MACROD2: variants seen among roughly 807,000 people sequenced by gnomAD.
MACROD2 encodes mono-ADP ribosylhydrolase 2, also known as ADP-ribose glycohydrolase MACROD2.
Under a neutral mutation model 70.4 loss-of-function variants are expected in MACROD2, and 36 were observed. The observed-to-expected ratio is 0.51, with a 90% CI of 0.39 to 0.68. The LOEUF is 0.68. Among genes scored for constraint, MACROD2 ranks in the 30% least tolerant of loss-of-function variants. MACROD2 has a pLI of 0.00. For synonymous variants in MACROD2, 172 were observed against 178.8 expected (o/e 0.96, Z 0.30); for missense variants, 496 against 538.4 (o/e 0.92, Z 0.78).
chr20:14,724,615 A>G (rs1312946804), intron 5 of MACROD2, among the ~76,000 whole-genome samples: 1 of 152,186 alleles, frequency 6.6e-6, no homozygotes, highest in Non-Finnish European at 1.5e-5. Context: ...TTAAGAAGGA[A>G]ATGAGAGAAG....
chr20:15,606,938 G>T (rs1028198370), intron 8 of MACROD2, among the ~76,000 whole-genome samples: 1 of 150,350 alleles, frequency 6.7e-6, no homozygotes, highest in Non-Finnish European at 1.5e-5. Flanking sequence ...GGAGGCAGAG[G>T]TTGCCATGAG....
At chr20:14,394,439 T>A (rs1045453957) in intron 3 of MACROD2, among the ~76,000 whole-genome samples, 1 of 152,236 alleles carries the variant, frequency 6.6e-6, no homozygotes, top group Admixed American at 6.5e-5. Flanking sequence ...ACACATTTTT[T>A]AAATATTGCT....
At chr20:14,893,029 A>C (rs2073782207) in intron 5 of MACROD2, 1 of 152,158 alleles carries the variant, frequency 6.6e-6, no homozygotes, top group African/African-American at 2.4e-5. Context: ...GATACCATTT[A>C]TGAGGGGAAT....
chr20:15,897,156 A>T (rs2064985465), intron 10 of MACROD2, among the ~76,000 whole-genome samples: 1 of 152,162 alleles, frequency 6.6e-6, no homozygotes, highest in Admixed American at 6.5e-5. Context: ...TTGTCTGAAA[A>T]TGGTATTATT....
At chr20:14,730,883 A>G (rs1329519370) in intron 5 of MACROD2, among the ~76,000 whole-genome samples, 1 of 152,048 alleles carries the variant, frequency 6.6e-6, no homozygotes, top group Non-Finnish European at 1.5e-5. Flanking sequence ...AGGTGAATTC[A>G]GATTACATTT....
intron 5 of MACROD2, among the ~76,000 whole-genome samples, chr20:15,088,441 ATATATATATAATATTT>A (rs1568567427): frequency 5.5e-4 from 21 of 38,074 alleles, no homozygotes; most frequent in African/African-American, 1.9e-3. Flanking sequence ...ATATATATAT[ATATATATATAATATTT>A]TGTGTGTGTG....
rs554948014 is a variant in MACROD2 at position 15,091,916 on chromosome 20, T to C, written c.419-138024T>C. On this transcript the variant is annotated intron_variant, in intron 5 of 17. Coordinates refer to ENST00000684519, the MANE Select transcript of MACROD2 (RefSeq NM_001351661.2). ...AAATGCATTTTATCATAAGTGTCAA[T>C]TCAGTGCTTTGCCATTGTATTTATA... is the stretch of plus-strand genomic sequence containing the variant. 2.6e-5 allele frequency among the ~76,000 whole-genome samples: 4 copies of C among 152,278 alleles called. No individual in the cohort carries two copies. The East Asian group carries it at 7.7e-4, about 29-fold the overall frequency.
At chr20:15,727,361 A>G (rs1446837257) in intron 8 of MACROD2, among the ~76,000 whole-genome samples, 1 of 152,088 alleles carries the variant, frequency 6.6e-6, no homozygotes, top group African/African-American at 2.4e-5. Context: ...ATACTTTTAC[A>G]TCAAGTAATG....
chr20:14,029,748 A>G (rs1346561398), intron 2 of MACROD2, among the ~76,000 whole-genome samples: 1 of 152,208 alleles, frequency 6.6e-6, no homozygotes, highest in Non-Finnish European at 1.5e-5. Flanking sequence ...ATGTTGTTTA[A>G]TGTGTTTTTC....
intron 4 of MACROD2, among the ~76,000 whole-genome samples, chr20:14,515,730 T>A (rs1379369769): frequency 6.6e-6 from 1 of 151,904 alleles, no homozygotes; most frequent in African/African-American, 2.4e-5. Context: ...GAGGAGCTGT[T>A]GATTGAAGGA....
rs145852413 is a variant in MACROD2, at chr20:15,657,935, G to C, written c.645+158088G>C. ...TTGAACCCAGGAGGCAGATGTTACCGTGAGCCGAGACTGAGCCATTGCACT... is the reference window on the plus strand; with the variant it reads ...TTGAACCCAGGAGGCAGATGTTACCCTGAGCCGAGACTGAGCCATTGCACT... On this transcript the variant is annotated intron_variant, in intron 8 of 17. Transcript: ENST00000684519. Among the ~76,000 whole-genome samples the C allele has an allele frequency of 2.0e-5, 3 of 152,274 alleles. 1 individual carries two copies. The East Asian group carries it at 5.8e-4, about 29-fold the overall frequency.
rs376554838 is a variant in MACROD2, at chr20:15,879,574, G to T, written c.728-6190G>T. 6.6e-5 allele frequency among the ~76,000 whole-genome samples: 10 copies of T among 152,072 alleles called. No homozygotes were observed. The East Asian group carries it at 9.6e-4, about 15-fold the overall frequency. ...TTTCAGTAAATTTGTCTCATAAAAA[G>T]TTATCTTTCAAAAGATGGTATGTCA... On this transcript the variant is annotated intron_variant, in intron 9 of 17. Transcript: ENST00000684519.
chr20:14,061,258 A>G (rs2053687514), intron 2 of MACROD2, among the ~76,000 whole-genome samples: 1 of 152,188 alleles, frequency 6.6e-6, no homozygotes, highest in African/African-American at 2.4e-5. Context: ...AATTCTGTTT[A>G]AATTTGATTA....
intron 8 of MACROD2, among the ~76,000 whole-genome samples, chr20:15,754,730 G>A (rs1187389257): frequency 6.9e-6 from 1 of 145,686 alleles, no homozygotes; most frequent in Non-Finnish European, 1.5e-5. Flanking sequence ...ACCCATCTCA[G>A]TGGCATGTTG....
intron 5 of MACROD2, among the ~76,000 whole-genome samples, chr20:14,746,263 T>C (rs1292349441): frequency 1.3e-5 from 2 of 152,182 alleles, no homozygotes; most frequent in Admixed American, 6.6e-5. Context: ...TGCAGTTATC[T>C]TCTCCTGTGA....
intron 8 of MACROD2, among the ~76,000 whole-genome samples, chr20:15,583,657 T>G (rs887390371): frequency 2.0e-5 from 3 of 152,136 alleles, no homozygotes; most frequent in Non-Finnish European, 2.9e-5. Context: ...TTTTTTTTTC[T>G]TATTGAGATG....
At chr20:15,125,855 TC>T (rs1359636563) in intron 5 of MACROD2, among the ~76,000 whole-genome samples, 2 of 151,622 alleles carry the variant, frequency 1.3e-5, no homozygotes, top group Admixed American at 6.6e-5. Flanking sequence ...TCATTTCTCT[TC>T]CCCCCTGTCT....
chr20:15,105,199 T>C (rs975513858), intron 5 of MACROD2, among the ~76,000 whole-genome samples: 9 of 152,158 alleles, frequency 5.9e-5, no homozygotes, highest in Admixed American at 5.9e-4. Flanking sequence ...TGATGTTTTT[T>C]TTCTCTCCAA....
intron 3 of MACROD2, among the ~76,000 whole-genome samples, chr20:14,216,726 T>C (rs2081626122): frequency 6.6e-6 from 1 of 152,174 alleles, no homozygotes; most frequent in African/African-American, 2.4e-5. Context: ...TTCGACTCCT[T>C]GGTTAGGTAT....
Sources: gnomAD v4.1 joint callset for allele counts (sites outside exome capture counted in the v4.1 genomes callset) on GRCh38, gnomAD v4.1.1 for gene constraint, MANE v1.5 for transcripts, NCBI Gene and HGNC (gene_info 2026-07-23, HGNC 2026-07-21) for gene names.